The following MAP3K4 variants were observed in gnomAD, a reference collection of about 807,000 sequenced individuals.
MAP3K4 encodes mitogen-activated protein kinase kinase kinase 4.
A neutral mutation model predicts 185.6 loss-of-function variants in MAP3K4; 67 were observed. The observed-to-expected ratio is 0.36, with a 90% CI of 0.30 to 0.44. The LOEUF (loss-of-function observed/expected upper bound fraction) is 0.44, where lower values mean the gene tolerates loss of function less well. Ranked by LOEUF, MAP3K4 falls within the 20% of genes least tolerant of loss-of-function variation. MAP3K4 has a pLI of 1.00. For synonymous variants in MAP3K4, 702 were observed against 710.4 expected (o/e 0.99, Z 0.19); for missense variants, 1,551 against 1,995.1 (o/e 0.78, Z 4.24).
chr6:161,041,484 A>T (rs1259392902), intron 2 of MAP3K4, among the ~76,000 whole-genome samples: 2 of 152,176 alleles, frequency 1.3e-5, no homozygotes, highest in African/African-American at 4.8e-5. Context: ...GGGCTGTCGC[A>T]TGGAGGACTT....
chr6:160,992,132 C>A, intron 1 of MAP3K4, 49 bp downstream of exon 1: 1 of 1,474,294 alleles, frequency 6.8e-7, no homozygotes, highest in Non-Finnish European at 8.9e-7. Context: ...GGGGCGGGTC[C>A]TGGCCCGAAC....
chr6:161,092,681 A>G (rs557069248), intron 13 of MAP3K4, among the ~76,000 whole-genome samples: 2 of 150,910 alleles, frequency 1.3e-5, no homozygotes, highest in Non-Finnish European at 2.9e-5. Context: ...ACTTTGTGTT[A>G]CAAAACTCAT....
Position 161,008,988 on chromosome 6 carries a change from CTTT to C in MAP3K4, c.152+16918_152+16920del, listed in dbSNP as rs35129518. Among the ~76,000 whole-genome samples the C allele has an allele frequency of 1.4e-5, 2 of 139,332 alleles. No homozygotes were observed. Among genetic ancestry groups the C allele is most frequent in the Non-Finnish European group, 1.6e-5 (1 of 64,098 alleles). 91.4% of individuals were successfully genotyped at this position (139,332 alleles called of 152,430 possible). A position where few individuals can be genotyped will look rare whatever the true frequency, so the allele number is the denominator to read the frequency against. On this transcript the variant is annotated intron_variant, in intron 1 of 26. Transcript: ENST00000392142. This position sits in a 1 kb window ranked among gnomAD's most constrained non-coding sequence, Gnocchi z 4.1. ...ATTCATTTTTTTAAACCATCTGAAC[CTTT>C]TTTTTTTTTTTTGAGACGGAATCTC...
At chr6:161,068,144 A>G (rs1188165010) in intron 3 of MAP3K4, among the ~76,000 whole-genome samples, 1 of 152,260 alleles carries the variant, frequency 6.6e-6, no homozygotes, top group Non-Finnish European at 1.5e-5. Context: ...AACTGGAGAT[A>G]AACAATCTTT....
intron 1 of MAP3K4, among the ~76,000 whole-genome samples, chr6:161,016,547 A>G (rs763249658): frequency 2.7e-4 from 41 of 152,222 alleles, no homozygotes; most frequent in Non-Finnish European, 1.6e-4. Context: ...GTCCAACTTC[A>G]TTCCTTTTCT....
chr6:161,098,275 T>C lies in MAP3K4; in HGVS notation c.3525-3T>C, dbSNP rs762283390. 2 of 1,612,176 alleles carry C rather than the reference T, an allele frequency of 1.2e-6. No homozygotes were observed. The highest frequency in any genetic ancestry group is 4.5e-5 in the East Asian group (2 of 44,808). On this transcript the variant is annotated splice_polypyrimidine_tract_variant and splice_region_variant and intron_variant, in intron 16 of 26. Coordinates refer to ENST00000392142, the MANE Select transcript of MAP3K4 (RefSeq NM_005922.4). This position sits in a 1 kb window ranked among gnomAD's most constrained non-coding sequence, Gnocchi z 4.4. ...GTTCCTGAAGCTTTTCTTCTTGTCT[T>C]AGCACTCGGAGCATGCCTTCCGACG...
In MAP3K4 at chr6:161,097,167, A is replaced by G; in HGVS notation, c.3515A>G (p.Glu1172Gly). Residue 1172 changes from glutamate (E) to glycine (G), a missense_variant, in exon 16 of 27, where the codon GAG becomes GGG. Glu to Gly is a moderately conservative substitution (Grantham distance 98). This residue lies in a region of MAP3K4 where 272 missense variants were observed against 301.2 expected (regional missense o/e 0.90). Coordinates refer to ENST00000392142, the MANE Select transcript of MAP3K4 (RefSeq NM_005922.4). This position sits in a 1 kb window ranked among gnomAD's most constrained non-coding sequence, Gnocchi z 4.9. Reference protein sequence around the residue: ...PNPHLIIPTPEGFSTRSMPSD... With the variant: ...PNPHLIIPTPGGFSTRSMPSD... ...CCACACCTCATTATCCCCACTCCAG[A>G]GGGATTCAGGTATTTGGTGCTTATC... The G allele has an allele frequency of 6.2e-7, 1 of 1,613,888 alleles. No homozygotes were observed. The highest frequency in any genetic ancestry group is 2.2e-5 in the East Asian group (1 of 44,884).
intron 2 of MAP3K4, among the ~76,000 whole-genome samples, chr6:161,040,570 A>G (rs977331314): frequency 6.6e-6 from 1 of 152,224 alleles, no homozygotes; most frequent in African/African-American, 2.4e-5. Context: ...TGTGACCCAA[A>G]TAAGGTTAAG....
At chr6:161,021,106 T>C (rs1782365048) in intron 1 of MAP3K4, among the ~76,000 whole-genome samples, 2 of 152,258 alleles carry the variant, frequency 1.3e-5, no homozygotes, top group Admixed American at 6.5e-5. Context: ...CAAACCTGTG[T>C]GTATCTTTGA....
chr6:160,997,970 T>A (rs1022496264), intron 1 of MAP3K4, among the ~76,000 whole-genome samples: 11 of 152,168 alleles, frequency 7.2e-5, no homozygotes, highest in Non-Finnish European at 1.5e-4. Flanking sequence ...GAGAGTGATG[T>A]TAATCCCCAG....
In MAP3K4 at chr6:161,070,925, A is replaced by C. The variant is rs999046721; in HGVS notation, c.1950+75A>C. ...ACAGGCTTATCATTTTTATTTTGAG[A>C]GTTCCTTTTTTTTTCTTAATTGTCG... On this transcript the variant is annotated intron_variant, in intron 4 of 26. Transcript: ENST00000392142. The surrounding 1 kb of genome is among the most constrained non-coding windows in gnomAD (Gnocchi z 4.5). 34 of 1,348,068 alleles carry C rather than the reference A, an allele frequency of 2.5e-5. No homozygotes were observed. The highest frequency in any genetic ancestry group is 3.1e-5 in the Non-Finnish European group (32 of 1,017,504). 83.5% of individuals were successfully genotyped at this position (1,348,068 alleles called of 1,614,324 possible).
chr6:161,099,225 T>A (rs1777721044), intron 17 of MAP3K4, among the ~76,000 whole-genome samples: 1 of 152,204 alleles, frequency 6.6e-6, no homozygotes, highest in Non-Finnish European at 1.5e-5. Context: ...AAGATCAACT[T>A]CTGATAGAAC....
At chr6:161,068,255 G>A (rs1392453466) in intron 3 of MAP3K4, among the ~76,000 whole-genome samples, 1 of 152,182 alleles carries the variant, frequency 6.6e-6, no homozygotes, top group Non-Finnish European at 1.5e-5. Context: ...CACAAATACT[G>A]TGAGAAAAGG....
intron 2 of MAP3K4, among the ~76,000 whole-genome samples, chr6:161,047,311 G>A (rs1045866406): frequency 2.7e-5 from 4 of 150,278 alleles, no homozygotes; most frequent in Non-Finnish European, 3.0e-5. Context: ...GTGGTGATGC[G>A]TGCCTGTGGT....
chr6:161,050,410 T>C (rs1009207415), intron 3 of MAP3K4, among the ~76,000 whole-genome samples: 4 of 152,210 alleles, frequency 2.6e-5, no homozygotes, highest in African/African-American at 7.2e-5. Context: ...TTTTCTCTCT[T>C]TTGATTAGCA....
chr6:160,992,169 C>A, intron 1 of MAP3K4, 86 bp downstream of exon 1: 1 of 1,411,352 alleles, frequency 7.1e-7, no homozygotes, highest in East Asian at 2.9e-5. Context: ...GCCTCTGCTT[C>A]CCGCCAGGTG....
chr6:161,084,360 A>G lies in MAP3K4; in HGVS notation c.2256-141A>G. The G allele has an allele frequency of 1.7e-6, 1 of 573,304 alleles. No homozygotes were observed. The highest frequency in any genetic ancestry group is 3.1e-6 in the Non-Finnish European group (1 of 318,550). The allele number at this position is 573,304 out of a possible 1,614,324, so 35.5% of individuals were successfully genotyped here. On this transcript the variant is annotated intron_variant, in intron 6 of 26. Transcript: ENST00000392142. The surrounding 1 kb of genome is among the most constrained non-coding windows in gnomAD (Gnocchi z 4.6). ...TATTTTTCCACGTCCAGGGTTTTAT[A>G]TTAAAAGAAGAGAAATTTTTCATTT...
At chr6:161,079,830 T>C (rs1171363787) in intron 5 of MAP3K4, among the ~76,000 whole-genome samples, 2 of 152,188 alleles carry the variant, frequency 1.3e-5, no homozygotes, top group Non-Finnish European at 2.9e-5. Context: ...CAGTGAACGA[T>C]ACAGCAGAAG....
rs766657862 is a variant in MAP3K4, at chr6:161,048,717, G to A, written c.445G>A (p.Ala149Thr). Residue 149 changes from alanine (A) to threonine (T), a missense_variant, in exon 3 of 27, where the codon GCT (alanine) becomes ACT (threonine). Around this residue, in one of 16 missense-constraint regions of MAP3K4, gnomAD observed 287 missense variants for 268.8 expected, o/e 1.07. Transcript: ENST00000392142. This position sits in a 1 kb window ranked among gnomAD's most constrained non-coding sequence, Gnocchi z 4.7. Reference protein sequence around the residue: ...SYKQEKKIRAALRTTERDRKK... With the variant: ...SYKQEKKIRATLRTTERDRKK... ...TAAGCAGGAGAAAAAGATCCGAGCA[G>A]CTCTTAGAACAACAGAGCGTGATCG... 1.8e-5 allele frequency: 29 copies of A among 1,613,840 alleles called. No individual in the cohort carries two copies. The highest frequency in any genetic ancestry group is 1.2e-5 in the Non-Finnish European group (14 of 1,179,970).
Sources: allele counts gnomAD v4.1 joint callset (sites outside exome capture counted in the v4.1 genomes callset), GRCh38; gene constraint gnomAD v4.1.1; regional missense constraint gnomAD v4.1.1; non-coding constraint Gnocchi (gnomAD v3.1); transcripts MANE v1.5; gene names NCBI Gene and HGNC (gene_info 2026-07-23, HGNC 2026-07-21).